The following CHSY3 variants were observed in gnomAD, a reference collection of about 807,000 sequenced individuals.
CHSY3 encodes N-acetylgalactosaminyl-proteoglycan 3-beta-glucuronosyltransferase 3.
A neutral mutation model predicts 67.2 loss-of-function variants in CHSY3; 35 were observed. That is an observed-to-expected ratio of 0.52 (90% CI 0.40 to 0.69). CHSY3 has a LOEUF of 0.69. CHSY3 is among the 30% of genes least tolerant of loss of function. The pLI, the probability that CHSY3 is intolerant of heterozygous loss-of-function variation, is 0.00. For missense variants in CHSY3, 1,069 were observed against 1,138.5 expected (o/e 0.94, Z 0.88); for synonymous variants, 474 against 434.7 (o/e 1.09, Z -1.12).
intron 2 of CHSY3, among the ~76,000 whole-genome samples, chr5:130,025,544 A>T (rs1183650750): frequency 6.6e-6 from 1 of 152,080 alleles, no homozygotes; most frequent in Non-Finnish European, 1.5e-5. Context: ...GGCTGCTCTA[A>T]CAAACTACCA....
rs1764570365 is a variant in CHSY3 at position 130,027,176 on chromosome 5, C to T, written c.1086+118816C>T. On this transcript the variant is annotated intron_variant, in intron 2 of 2. Coordinates refer to ENST00000305031, the MANE Select transcript of CHSY3 (RefSeq NM_175856.5). ...TTCATGCTGGCATTAAGAAGCTCTG[C>T]CATGGCACTGAACTCAGCAAATTGT... 2.6e-5 allele frequency among the ~76,000 whole-genome samples: 4 copies of T among 152,084 alleles called. No homozygotes were observed. The South Asian group carries it at 8.3e-4, about 31-fold the overall frequency.
intron 2 of CHSY3, among the ~76,000 whole-genome samples, chr5:130,059,594 TTATC>T (rs1163399649): frequency 1.3e-5 from 2 of 152,112 alleles, no homozygotes; most frequent in Non-Finnish European, 2.9e-5. Flanking sequence ...CAAAAACTCT[TTATC>T]TATCTGAAAA....
Position 129,955,024 on chromosome 5 carries a change from A to G in CHSY3, c.1086+46664A>G, listed in dbSNP as rs1180814079. Reference sequence around the variant, plus strand: ...GGTGTGTCTATAGGCGCATGCCACAATACTCTGCTAATTTTTGTATTTTCA... The same window carrying G: ...GGTGTGTCTATAGGCGCATGCCACAGTACTCTGCTAATTTTTGTATTTTCA... On this transcript the variant is annotated intron_variant, in intron 2 of 2. Coordinates refer to ENST00000305031, the MANE Select transcript of CHSY3 (RefSeq NM_175856.5). Among the ~76,000 whole-genome samples, 8 of 152,068 alleles carry G rather than the reference A, an allele frequency of 5.3e-5. No homozygotes were observed. The South Asian group carries it at 1.7e-3, about 32-fold the overall frequency.
chr5:130,027,294 G>A (rs888517272), intron 2 of CHSY3, among the ~76,000 whole-genome samples: 1 of 152,000 alleles, frequency 6.6e-6, no homozygotes, highest in African/African-American at 2.4e-5. Context: ...CTTTGTAAAA[G>A]GAGAATATAG....
chr5:129,992,495 A>G (rs1345517670), intron 2 of CHSY3, among the ~76,000 whole-genome samples: 1 of 152,222 alleles, frequency 6.6e-6, no homozygotes, highest in African/African-American at 2.4e-5. Flanking sequence ...CAGAGGACAG[A>G]ACAAACTGGC....
intron 2 of CHSY3, among the ~76,000 whole-genome samples, chr5:129,935,177 TGTTTTGAGC>T (rs1200090773): frequency 2.0e-5 from 3 of 152,254 alleles, no homozygotes; most frequent in Admixed American, 2.0e-4. Flanking sequence ...AATTTTATTT[TGTTTTGAGC>T]AGTCCCTTTA....
At position 129,908,104 on chromosome 5, in the gene CHSY3, C is replaced by T. The variant is rs892217540; in HGVS notation, c.830C>T (p.Ser277Leu). 3 of 1,613,390 alleles carry T rather than the reference C, an allele frequency of 1.9e-6. No individual in the cohort carries two copies. Among genetic ancestry groups the T allele is most frequent in the Non-Finnish European group, 1.7e-6 (2 of 1,179,808 alleles). The change falls in exon 2 of 3, where the codon TCG (serine) becomes TTG (leucine). Residue 277 changes from serine (S) to leucine (L), a missense_variant. Ser to Leu is a moderately radical substitution (Grantham distance 145, BLOSUM62 -2). This residue lies in a region of CHSY3 where 216 missense variants were observed against 311.5 expected (regional missense o/e 0.69). Transcript: ENST00000305031. ...KGDKLEEFLR[S>L]LNSSKPLYLG... ...GATAAATTAGAAGAGTTTCTTAGAT[C>T]GCTAAACAGCAGTAAGCCTCTCTAC...
At chr5:129,918,873 C>T (rs1449285883) in intron 2 of CHSY3, among the ~76,000 whole-genome samples, 17 of 147,410 alleles carry the variant, frequency 1.2e-4, no homozygotes, top group East Asian at 2.0e-4. Context: ...TTTGGGAGGC[C>T]GAGGCGGGTG....
At chr5:130,165,140 T>A (rs929543916) in intron 2 of CHSY3, among the ~76,000 whole-genome samples, 2 of 152,114 alleles carry the variant, frequency 1.3e-5, no homozygotes, top group African/African-American at 2.4e-5. Flanking sequence ...GTCATATGAT[T>A]ACATCCCGTC....
intron 2 of CHSY3, among the ~76,000 whole-genome samples, chr5:130,143,271 T>G (rs1768926510): frequency 6.6e-6 from 1 of 152,082 alleles, no homozygotes; most frequent in Admixed American, 6.6e-5. Context: ...AGAAAGGCAA[T>G]AACCCTCCAG....
intron 2 of CHSY3, among the ~76,000 whole-genome samples, chr5:129,950,252 A>C (rs1436870557): frequency 6.6e-6 from 1 of 152,120 alleles, no homozygotes; most frequent in East Asian, 1.9e-4. Flanking sequence ...AAAATTTTAA[A>C]CATATTAGGT....
intron 2 of CHSY3, among the ~76,000 whole-genome samples, chr5:130,002,740 T>G (rs576148045): frequency 6.6e-6 from 1 of 152,336 alleles, no homozygotes; most frequent in African/African-American, 2.4e-5. Context: ...TATATGCATC[T>G]TATAACATCA....
intron 2 of CHSY3, among the ~76,000 whole-genome samples, chr5:130,097,648 C>G (rs972162584): frequency 6.6e-6 from 1 of 152,198 alleles, no homozygotes; most frequent in Non-Finnish European, 1.5e-5. Flanking sequence ...AAGATGTCTA[C>G]ACTGTTTTTA....
intron 2 of CHSY3, among the ~76,000 whole-genome samples, chr5:130,091,138 A>ACATG: frequency 1.0e-5 from 1 of 98,972 alleles, no homozygotes; most frequent in African/African-American, 3.6e-5. Flanking sequence ...ACACACACGC[A>ACATG]CACGCGCGCA....
chr5:129,987,829 A>G (rs1763250075), intron 2 of CHSY3, among the ~76,000 whole-genome samples: 2 of 152,208 alleles, frequency 1.3e-5, no homozygotes, highest in Admixed American at 1.3e-4. Flanking sequence ...TTGTTTTTTC[A>G]TACTAAATGT....
At chr5:130,093,291 G>C (rs1193249243) in intron 2 of CHSY3, among the ~76,000 whole-genome samples, 2 of 152,148 alleles carry the variant, frequency 1.3e-5, no homozygotes, top group Admixed American at 6.5e-5. Context: ...ATCATGTCTT[G>C]TTGTTTTTGA....
chr5:130,035,912 T>A lies in CHSY3; in HGVS notation c.1086+127552T>A, dbSNP rs1009579829. ...TTTTTTTTTTTTTTTTTTTTTTTTT[T>A]AGTGTTGCTTTAGAAAGTAGTTCAT... is the stretch of plus-strand genomic sequence containing the variant. On this transcript the variant is annotated intron_variant, in intron 2 of 2. Coordinates refer to ENST00000305031, the MANE Select transcript of CHSY3 (RefSeq NM_175856.5). Among the ~76,000 whole-genome samples, 4 of 136,390 alleles carry A rather than the reference T, an allele frequency of 2.9e-5. No individual in the cohort carries two copies. The East Asian group carries it at 8.2e-4, about 28-fold the overall frequency. 89.5% of individuals were successfully genotyped at this position (136,390 alleles called of 152,430 possible).
chr5:129,948,101 A>C (rs945260668), intron 2 of CHSY3, among the ~76,000 whole-genome samples: 1 of 152,202 alleles, frequency 6.6e-6, no homozygotes, highest in Admixed American at 6.5e-5. Context: ...GTGCTGCTAA[A>C]CAAAATTGAC....
intron 2 of CHSY3, among the ~76,000 whole-genome samples, chr5:129,931,496 A>G (rs1206129236): frequency 6.6e-6 from 1 of 152,212 alleles, no homozygotes; most frequent in Non-Finnish European, 1.5e-5. Context: ...ATAGATGTGT[A>G]TAAAGACATT....
Sources: gnomAD v4.1 joint callset for allele counts (sites outside exome capture counted in the v4.1 genomes callset) on GRCh38, gnomAD v4.1.1 for gene constraint, gnomAD v4.1.1 regional missense constraint, MANE v1.5 for transcripts, NCBI Gene and HGNC (gene_info 2026-07-23, HGNC 2026-07-21) for gene names.